The following SEH1L variants were observed in gnomAD, a reference collection of about 807,000 sequenced individuals.
SEH1L encodes the protein SEH1 like nucleoporin.
SEH1L carries 18 observed loss-of-function variants against 49.5 expected under a neutral mutation model. The ratio of observed to expected loss-of-function variants is 0.36; its 90% CI spans 0.25 to 0.54. The LOEUF is 0.54. Among genes scored for constraint, SEH1L ranks in the 20% least tolerant of loss-of-function variants. The probability of loss-of-function intolerance (pLI) is 0.87; values close to 1 mark genes in which losing one functional copy is unlikely to be tolerated. For missense variants in SEH1L, 404 were observed against 528.8 expected (o/e 0.76, Z 2.31); for synonymous variants, 169 against 178.1 (o/e 0.95, Z 0.41).
chr18:12,948,309 C>A (rs2030244464), intron 1 of SEH1L, 77 bp downstream of exon 1: 2 of 1,080,950 alleles, frequency 1.9e-6, no homozygotes, highest in South Asian at 1.3e-5. Context: ...GGGAACGGGG[C>A]TGTGTCTTGG....
intron 4 of SEH1L, among the ~76,000 whole-genome samples, chr18:12,966,873 T>G (rs938658579): frequency 6.6e-6 from 1 of 152,228 alleles, no homozygotes; most frequent in Non-Finnish European, 1.5e-5. Flanking sequence ...CAAAATTGTT[T>G]GGAGATTTAG....
intron 1 of SEH1L, among the ~76,000 whole-genome samples, chr18:12,949,094 C>CAG (rs2030326925): frequency 6.6e-6 from 1 of 151,810 alleles, no homozygotes; most frequent in African/African-American, 2.4e-5. Context: ...CTCCTGACCT[C>CAG]GTGATCCACC....
chr18:12,974,669 A>G (rs1233649930), intron 5 of SEH1L: 1 of 152,216 alleles, frequency 6.6e-6, no homozygotes, highest in African/African-American at 2.4e-5. Context: ...TTTATTTGTG[A>G]GTGAAAATAC....
At chr18:12,955,363 G>A in intron 2 of SEH1L, 100 bp from the exon 3 acceptor site, 2 of 1,132,060 alleles carry the variant, frequency 1.8e-6, no homozygotes, top group Non-Finnish European at 2.5e-6. Context: ...GTTTCCTGAT[G>A]TAAAACCAGT....
At chr18:12,969,568 A>G (rs1263929628) in intron 4 of SEH1L, among the ~76,000 whole-genome samples, 1 of 152,066 alleles carries the variant, frequency 6.6e-6, no homozygotes, top group Non-Finnish European at 1.5e-5. Flanking sequence ...CGTGCCTGTA[A>G]TCCCAGCCAC....
In SEH1L at chr18:12,984,093, C is replaced by A; in HGVS notation, c.973C>A (p.Pro325Thr). 1.2e-6 allele frequency: 2 copies of A among 1,613,696 alleles called. No homozygotes were observed. The highest frequency in any genetic ancestry group is 1.7e-6 in the Non-Finnish European group (2 of 1,179,666). The change falls in exon 8 of 9, where the codon CCA (proline) becomes ACA (threonine). Residue 325 changes from proline to threonine, a missense_variant. By Grantham distance (38) the Pro-to-Thr change is conservative. Coordinates refer to ENST00000399892, the MANE Select transcript of SEH1L (RefSeq NM_001013437.2). ...TGGTATTTTGAAAGGTAATGGGAGC[C>A]CAGTCAATGGGAGTTCTCAGCAGGG... ...CTGILKGNGSPVNGSSQQGTS... is the reference protein window; with the variant it reads ...CTGILKGNGSTVNGSSQQGTS...
At chr18:12,970,391 C>A (rs1309521165) in intron 4 of SEH1L, among the ~76,000 whole-genome samples, 1 of 152,112 alleles carries the variant, frequency 6.6e-6, no homozygotes, top group Non-Finnish European at 1.5e-5. Flanking sequence ...TAGTCTTTTC[C>A]ACTTTTCCCC....
chr18:12,967,324 C>G (rs2031494308), intron 4 of SEH1L, among the ~76,000 whole-genome samples: 1 of 152,198 alleles, frequency 6.6e-6, no homozygotes, highest in African/African-American at 2.4e-5. Flanking sequence ...ACAACACAAA[C>G]TACTCAGACC....
chr18:12,949,968 A>G (rs1381618372), intron 1 of SEH1L, among the ~76,000 whole-genome samples: 1 of 152,206 alleles, frequency 6.6e-6, no homozygotes. Flanking sequence ...AGATAAATAG[A>G]ATCATAGAAT....
At chr18:12,974,759 T>C (rs2031846543) in intron 5 of SEH1L, among the ~76,000 whole-genome samples, 3 of 152,194 alleles carry the variant, frequency 2.0e-5, no homozygotes, top group African/African-American at 7.2e-5. Context: ...ATGTGTGTTA[T>C]GAAGTTTGAA....
At chr18:12,962,490 G>A in intron 3 of SEH1L, among the ~76,000 whole-genome samples, 1 of 67,922 alleles carries the variant, frequency 1.5e-5, no homozygotes, top group South Asian at 6.7e-4. Flanking sequence ...TTTTTTGAGA[G>A]AGGGTCTTAC....
intron 3 of SEH1L, among the ~76,000 whole-genome samples, chr18:12,956,420 C>G (rs1361669175): frequency 6.7e-6 from 1 of 149,146 alleles, no homozygotes; most frequent in Non-Finnish European, 1.5e-5. Context: ...GCCCATGTCA[C>G]ACGCCATACA....
chr18:12,969,269 C>T (rs1278028508), intron 4 of SEH1L, among the ~76,000 whole-genome samples: 1 of 135,670 alleles, frequency 7.4e-6, no homozygotes, highest in Non-Finnish European at 1.5e-5. Context: ...TTTTTAAAAT[C>T]TCACATTTTT....
chr18:12,952,227 A>ATTTT (rs2030581581), intron 2 of SEH1L, among the ~76,000 whole-genome samples: 2 of 146,942 alleles, frequency 1.4e-5, no homozygotes, highest in African/African-American at 2.5e-5. Context: ...TCAAGTAGAA[A>ATTTT]TTTTCTTTTT....
chr18:12,960,969 T>C (rs2031146032), intron 3 of SEH1L, among the ~76,000 whole-genome samples: 1 of 152,170 alleles, frequency 6.6e-6, no homozygotes, highest in East Asian at 1.9e-4. Flanking sequence ...TAAAATACAT[T>C]TGGAAGAGGG....
intron 1 of SEH1L, among the ~76,000 whole-genome samples, chr18:12,950,662 A>G (rs946678434): frequency 6.6e-6 from 1 of 152,216 alleles, no homozygotes; most frequent in Admixed American, 6.5e-5. Context: ...TATTTTAAAC[A>G]CTATTGAAGA....
chr18:12,982,214 C>G (rs1038272024), intron 6 of SEH1L, among the ~76,000 whole-genome samples: 3 of 152,002 alleles, frequency 2.0e-5, no homozygotes, highest in Non-Finnish European at 4.4e-5. Flanking sequence ...TATTCTTCTG[C>G]CTTGTGTGGG....
At chr18:12,952,247 T>TC (rs2030584502) in intron 2 of SEH1L, among the ~76,000 whole-genome samples, 1 of 151,550 alleles carries the variant, frequency 6.6e-6, no homozygotes, top group African/African-American at 2.4e-5. Flanking sequence ...TTTTTTTTTT[T>TC]TGAGACGGAG....
chr18:12,985,837 AAGT>A (rs1369337873), intron 8 of SEH1L: 2 of 952,320 alleles, frequency 2.1e-6, no homozygotes, highest in Non-Finnish European at 2.5e-6. Context: ...TGAATTAATA[AAGT>A]AGTAATAGTA....
Sources: gnomAD v4.1 joint callset for allele counts (sites outside exome capture counted in the v4.1 genomes callset) on GRCh38, gnomAD v4.1.1 for gene constraint, MANE v1.5 for transcripts, NCBI Gene and HGNC (gene_info 2026-07-23, HGNC 2026-07-21) for gene names.